STK32B: variants seen among roughly 807,000 people sequenced by gnomAD.
The protein encoded by STK32B is serine/threonine kinase 32B.
In STK32B, 43 loss-of-function variants were observed where a neutral mutation model predicts 52.6. That is an observed-to-expected ratio of 0.82 (90% CI 0.64 to 1.05). STK32B has a LOEUF of 1.05. Among genes scored for constraint, STK32B ranks in the 50% least tolerant of loss-of-function variants. The pLI, the probability that STK32B is intolerant of heterozygous loss-of-function variation, is 0.00. For synonymous variants in STK32B, 238 were observed against 204.3 expected, an observed-to-expected ratio of 1.17 and a Z score of -1.41; for missense variants, 621 against 534.6, an observed-to-expected ratio of 1.16 and a Z score of -1.59.
intron 6 of STK32B, 141 bp from the exon 7 acceptor site, chr4:5,446,532 G>A: frequency 1.5e-6 from 1 of 663,750 alleles, no homozygotes; most frequent in Non-Finnish European, 2.5e-6. Flanking sequence ...GTGCCAGCCT[G>A]GGCAGCAGAG....
At position 5,378,879 on chromosome 4, in the gene STK32B, G is replaced by A. The variant is rs1735748548; in HGVS notation, c.435-19328G>A. Among the ~76,000 whole-genome samples the A allele has an allele frequency of 6.6e-6, 1 of 152,124 alleles. No homozygotes were observed. The highest frequency in any genetic ancestry group is 6.5e-5 in the Admixed American group (1 of 15,282). On this transcript the variant is annotated intron_variant, in intron 4 of 11. Transcript: ENST00000282908. The surrounding 1 kb of genome is among the most constrained non-coding windows in gnomAD (Gnocchi z 4.4). ...ATCCTGGCACGCTGCTGCCATCCTT[G>A]CAGCATTAAAGGCGTCATCTGCAAA...
At chr4:5,328,469 T>C (rs980522875) in intron 3 of STK32B, among the ~76,000 whole-genome samples, 4 of 152,208 alleles carry the variant, frequency 2.6e-5, no homozygotes, top group Admixed American at 2.6e-4. Context: ...AATATTGTTA[T>C]GCCTCAGGGA....
intron 3 of STK32B, among the ~76,000 whole-genome samples, chr4:5,220,944 G>A (rs2108796210): frequency 6.6e-6 from 1 of 152,312 alleles, no homozygotes; most frequent in African/African-American, 2.4e-5. Flanking sequence ...ACTGGGGAAA[G>A]TTGCTACCAT....
chr4:5,080,422 C>G (rs1712346214), intron 1 of STK32B, among the ~76,000 whole-genome samples: 1 of 152,332 alleles, frequency 6.6e-6, no homozygotes, highest in South Asian at 2.1e-4. Context: ...CTGAAATGCT[C>G]TTTCCCAGAT....
intron 3 of STK32B, among the ~76,000 whole-genome samples, chr4:5,236,784 A>G (rs1724669261): frequency 6.6e-6 from 1 of 152,086 alleles, no homozygotes; most frequent in Non-Finnish European, 1.5e-5. Context: ...TCTACTGTTG[A>G]TGGGCTTTTG....
chr4:5,176,420 T>A (rs1322847215), intron 3 of STK32B, among the ~76,000 whole-genome samples: 1 of 150,434 alleles, frequency 6.6e-6, no homozygotes, highest in African/African-American at 2.4e-5. Context: ...ACTGGAGCTG[T>A]TCCTATTCGG....
rs116016994 is a variant in STK32B at position 5,342,745 on chromosome 4, T to A, written c.434+11352T>A. Among the ~76,000 whole-genome samples the A allele has an allele frequency of 7.2e-3, 1,098 of 152,256 alleles. 9 individuals carry two copies. Among genetic ancestry groups the A allele is most frequent in the African/African-American group, 0.025 (1,046 of 41,556 alleles). On this transcript the variant is annotated intron_variant, in intron 4 of 11. Coordinates refer to ENST00000282908, the MANE Select transcript of STK32B (RefSeq NM_018401.3). ...TGTAAATTCTCTAAGGGCAGGCACT[T>A]TTTCTACCTTGTTCATCTTCGTATC...
At chr4:5,429,210 C>T (rs1294222477) in intron 6 of STK32B, among the ~76,000 whole-genome samples, 4 of 151,758 alleles carry the variant, frequency 2.6e-5, no homozygotes, top group Non-Finnish European at 1.5e-5. Context: ...TTTTAAAGTA[C>T]ATTTCTTGTA....
chr4:5,351,403 T>G (rs948233766), intron 4 of STK32B, among the ~76,000 whole-genome samples: 1 of 152,002 alleles, frequency 6.6e-6, no homozygotes, highest in East Asian at 1.9e-4. Flanking sequence ...GTCAAAATAC[T>G]TCTTAAAACA....
chr4:5,441,676 G>A (rs1714775918), intron 6 of STK32B, among the ~76,000 whole-genome samples: 1 of 151,872 alleles, frequency 6.6e-6, no homozygotes, highest in Non-Finnish European at 1.5e-5. Flanking sequence ...TGCTTCTGTA[G>A]TTCTTTTAAT....
At chr4:5,433,888 C>T (rs1054575359) in intron 6 of STK32B, among the ~76,000 whole-genome samples, 1 of 152,186 alleles carries the variant, frequency 6.6e-6, no homozygotes, top group African/African-American at 2.4e-5. Flanking sequence ...CCACCACATG[C>T]ACATCTACAT....
In STK32B at chr4:5,141,225, A is replaced by G. The variant is rs190973098; in HGVS notation, c.108+1265A>G. Among the ~76,000 whole-genome samples, 6 of 152,366 alleles carry G rather than the reference A, an allele frequency of 3.9e-5. No individual in the cohort carries two copies. The East Asian group carries it at 7.7e-4, about 20-fold the overall frequency. On this transcript the variant is annotated intron_variant, in intron 2 of 11. Coordinates refer to ENST00000282908, the MANE Select transcript of STK32B (RefSeq NM_018401.3). ...TCAGGTTATGACGCATTTCCATATC[A>G]TAGATGGTTCTGCAGGACAGTGCTC...
the STK32B span, among the ~76,000 whole-genome samples, chr4:5,034,390 G>A: frequency 6.6e-6 from 1 of 152,166 alleles, no homozygotes. Context: ...CCTGCTGGCC[G>A]CTGGGCCTCC....
chr4:5,255,553 G>A (rs544912699), intron 3 of STK32B, among the ~76,000 whole-genome samples: 1 of 151,990 alleles, frequency 6.6e-6, no homozygotes, highest in African/African-American at 2.4e-5. Context: ...AACATTATCA[G>A]AGGGTCCCTC....
chr4:5,048,296 ATTTTTTT>A (rs934389483), upstream of STK32B, among the ~76,000 whole-genome samples: 1 of 111,864 alleles, frequency 8.9e-6, no homozygotes, highest in Non-Finnish European at 1.8e-5. Context: ...TGCCTGGCTA[ATTTTTTT>A]TTTTTTTTTT....
intron 4 of STK32B, among the ~76,000 whole-genome samples, chr4:5,377,634 A>G (rs537624583): frequency 1.3e-5 from 2 of 152,286 alleles, no homozygotes; most frequent in East Asian, 3.9e-4. Context: ...GTGTCAAGGG[A>G]GGACCCAGGT....
In STK32B at chr4:5,307,931, C is replaced by A. The variant is rs148314247; in HGVS notation, c.261-23289C>A. 1.8e-3 allele frequency among the ~76,000 whole-genome samples: 268 copies of A among 150,854 alleles called. 3 individuals carry two copies. Among genetic ancestry groups the A allele is most frequent in the African/African-American group, 6.4e-3 (257 of 40,284 alleles). On this transcript the variant is annotated intron_variant, in intron 3 of 11. Coordinates refer to ENST00000282908, the MANE Select transcript of STK32B (RefSeq NM_018401.3). ...GTAGCCACCCAGCAGAACCACCAGG[C>A]TCTGGGCTGGTACTGGGAAGTGTCT...
At chr4:5,170,248 A>G (rs898394344) in intron 3 of STK32B, among the ~76,000 whole-genome samples, 4 of 152,178 alleles carry the variant, frequency 2.6e-5, no homozygotes, top group South Asian at 2.1e-4. Flanking sequence ...TGTATGATGT[A>G]TGTTAAAGGA....
intron 4 of STK32B, among the ~76,000 whole-genome samples, chr4:5,349,804 C>T (rs954474518): frequency 6.6e-6 from 1 of 152,024 alleles, no homozygotes. Flanking sequence ...AACAACCAAG[C>T]AGAAATTCTG....
Sources: allele counts gnomAD v4.1 joint callset (sites outside exome capture counted in the v4.1 genomes callset), GRCh38; gene constraint gnomAD v4.1.1; non-coding constraint Gnocchi (gnomAD v3.1); transcripts MANE v1.5; gene names NCBI Gene and HGNC (gene_info 2026-07-23, HGNC 2026-07-21).